Variants in CNTNAP2 observed in about 807,000 individuals in gnomAD.
CNTNAP2 encodes contactin-associated protein-like 2.
Under a neutral mutation model 155.2 loss-of-function variants are expected in CNTNAP2, and 98 were observed. The ratio of observed to expected loss-of-function variants is 0.63; its 90% CI spans 0.54 to 0.75. The LOEUF (loss-of-function observed/expected upper bound fraction) is 0.75. Among genes scored for constraint, CNTNAP2 ranks in the 30% least tolerant of loss-of-function variants. The pLI is 0.00. For synonymous variants in CNTNAP2, 651 were observed against 631.2 expected (o/e 1.03, Z -0.47); for missense variants, 1,727 against 1,688.1 (o/e 1.02, Z -0.40).
At chr7:147,792,815 T>C (rs1797840002) in intron 13 of CNTNAP2, among the ~76,000 whole-genome samples, 1 of 152,122 alleles carries the variant, frequency 6.6e-6, no homozygotes, top group Non-Finnish European at 1.5e-5. Flanking sequence ...TACATCCCCA[T>C]CAACAGTGTA....
chr7:146,721,520 A>G (rs1295139617), intron 1 of CNTNAP2, among the ~76,000 whole-genome samples: 1 of 125,120 alleles, frequency 8.0e-6, no homozygotes, highest in East Asian at 2.4e-4. Context: ...TATACATTCT[A>G]TATATATTCT....
At chr7:146,507,342 GTCACA>G (rs768029953) in intron 1 of CNTNAP2, among the ~76,000 whole-genome samples, 26 of 152,292 alleles carry the variant, frequency 1.7e-4, no homozygotes, top group Non-Finnish European at 3.2e-4. Context: ...ACCTTCTGTG[GTCACA>G]TGCACATCAA....
At chr7:146,457,519 T>C (rs1165892848) in intron 1 of CNTNAP2, among the ~76,000 whole-genome samples, 3 of 60,336 alleles carry the variant, frequency 5.0e-5, no homozygotes, top group Admixed American at 1.7e-4. Flanking sequence ...TATATATATA[T>C]ATATATATAT....
chr7:148,129,743 T>C (rs1394851834), intron 16 of CNTNAP2, among the ~76,000 whole-genome samples: 2 of 152,210 alleles, frequency 1.3e-5, no homozygotes, highest in Admixed American at 6.5e-5. Flanking sequence ...ACAAGAAGGT[T>C]GAACAAGATG....
At chr7:147,391,331 C>G (rs1012988006) in intron 9 of CNTNAP2, among the ~76,000 whole-genome samples, 6 of 152,110 alleles carry the variant, frequency 3.9e-5, no homozygotes, top group Non-Finnish European at 7.3e-5. Context: ...GCTCTGCCCT[C>G]TGTGTTAGTT....
chr7:147,976,421 G>A (rs897366240), intron 14 of CNTNAP2, among the ~76,000 whole-genome samples: 22 of 148,972 alleles, frequency 1.5e-4, no homozygotes, highest in Non-Finnish European at 2.6e-4. Context: ...AAAGAGGGTG[G>A]GTTTGTAAAA....
chr7:147,453,459 A>C (rs183997351), intron 10 of CNTNAP2, among the ~76,000 whole-genome samples: 2 of 152,322 alleles, frequency 1.3e-5, no homozygotes, highest in African/African-American at 4.8e-5. Context: ...AAATGGTCTC[A>C]GCACTTTGTA....
intron 14 of CNTNAP2, among the ~76,000 whole-genome samples, chr7:147,912,061 C>A (rs897102395): frequency 1.3e-5 from 2 of 152,118 alleles, no homozygotes; most frequent in Non-Finnish European, 2.9e-5. Context: ...GACCTGATTT[C>A]AAATCCTAGT....
intron 1 of CNTNAP2, among the ~76,000 whole-genome samples, chr7:146,721,586 A>ATATATATTCTATGTACATTC (rs1563203782): frequency 1.2e-5 from 1 of 83,142 alleles, no homozygotes; most frequent in African/African-American, 1.1e-4. Flanking sequence ...TATACATTCT[A>ATATATATTCTATGTACATTC]TATATATATT....
intron 1 of CNTNAP2, among the ~76,000 whole-genome samples, chr7:146,756,787 G>A (rs75419702): frequency 4.4e-4 from 67 of 151,922 alleles, no homozygotes; most frequent in African/African-American, 1.1e-3. Context: ...TGTTCTTAGC[G>A]CATTTGAAAT....
At chr7:146,580,492 A>T (rs1360423178) in intron 1 of CNTNAP2, among the ~76,000 whole-genome samples, 2 of 151,956 alleles carry the variant, frequency 1.3e-5, no homozygotes, top group Non-Finnish European at 2.9e-5. Flanking sequence ...AAAAAGATTC[A>T]AGAGATTTAG....
chr7:148,252,807 C>A (rs1396292480), intron 20 of CNTNAP2, among the ~76,000 whole-genome samples: 1 of 152,042 alleles, frequency 6.6e-6, no homozygotes, highest in African/African-American at 2.4e-5. Flanking sequence ...CACTCATCTC[C>A]AGGTCTCCCC....
intron 8 of CNTNAP2, among the ~76,000 whole-genome samples, chr7:147,253,676 G>A (rs1003529062): frequency 1.3e-5 from 2 of 152,102 alleles, no homozygotes; most frequent in South Asian, 2.1e-4. Context: ...AGTGAATCCC[G>A]TGATCTTAGA....
intron 1 of CNTNAP2, among the ~76,000 whole-genome samples, chr7:146,143,163 G>T (rs1797904892): frequency 6.6e-6 from 1 of 152,120 alleles, no homozygotes; most frequent in Non-Finnish European, 1.5e-5. Flanking sequence ...ACCTCCTAAA[G>T]AATGACTTCA....
At chr7:147,299,503 C>T (rs2254724) in intron 8 of CNTNAP2, among the ~76,000 whole-genome samples, 150,861 of 152,000 alleles carry the variant, frequency 0.99, 74,867 homozygotes, top group East Asian at 1. Flanking sequence ...ATAATCCTAT[C>T]ATTATTTTCC....
intron 8 of CNTNAP2, among the ~76,000 whole-genome samples, chr7:147,157,448 C>T (rs1272906153): frequency 3.9e-5 from 6 of 152,044 alleles, no homozygotes; most frequent in Non-Finnish European, 8.8e-5. Context: ...AGTGCCTGCC[C>T]ATAAATGTAC....
intron 15 of CNTNAP2, among the ~76,000 whole-genome samples, chr7:148,012,419 C>T (rs901208750): frequency 5.9e-5 from 9 of 152,210 alleles, no homozygotes; most frequent in African/African-American, 1.4e-4. Context: ...AGAAATGGAA[C>T]ATTGCTGTCC....
At chr7:146,640,662 C>T (rs1434132824) in intron 1 of CNTNAP2, among the ~76,000 whole-genome samples, 1 of 152,198 alleles carries the variant, frequency 6.6e-6, no homozygotes. Context: ...GTAGCACCTA[C>T]TGTAATTGCT....
intron 3 of CNTNAP2, among the ~76,000 whole-genome samples, chr7:147,008,302 T>C (rs1257347565): frequency 1.3e-5 from 2 of 152,016 alleles, no homozygotes; most frequent in Non-Finnish European, 2.9e-5. Context: ...TTCTAATATA[T>C]AAGGAGAGAA....
Sources: allele counts gnomAD v4.1 joint callset (sites outside exome capture counted in the v4.1 genomes callset), GRCh38; gene constraint gnomAD v4.1.1; transcripts MANE v1.5; gene names NCBI Gene and HGNC (gene_info 2026-07-23, HGNC 2026-07-21).